CUL1: variants seen among roughly 807,000 people sequenced by gnomAD.
The protein encoded by CUL1 is cullin-1.
In CUL1, 24 loss-of-function variants were observed where a neutral mutation model predicts 118.0. The observed-to-expected ratio is 0.20, with a 90% CI of 0.15 to 0.29. The LOEUF (loss-of-function observed/expected upper bound fraction) is 0.29. Ranked by LOEUF, CUL1 falls within the 10% of genes least tolerant of loss-of-function variation. The pLI, the probability that CUL1 is intolerant of heterozygous loss-of-function variation, is 1.00. For missense variants in CUL1, 361 were observed against 933.8 expected (o/e 0.39, Z 7.99); for synonymous variants, 332 against 340.4 (o/e 0.98, Z 0.27).
Position 148,783,966 on chromosome 7 carries a change from C to T in CUL1, c.1192-5C>T, listed in dbSNP as rs1011985837. On this transcript the variant is annotated splice_polypyrimidine_tract_variant and splice_region_variant and intron_variant, in intron 10 of 21. Coordinates refer to ENST00000325222, the MANE Select transcript of CUL1 (RefSeq NM_003592.3). ...TTGTCTCTAACTATATTCCGTGTAA[C>T]GCAGGCTTGTGGTCGCTTCATAAAC... The T allele has an allele frequency of 1.7e-5, 27 of 1,613,908 alleles. No individual in the cohort carries two copies. The highest frequency in any genetic ancestry group is 1.6e-4 in the Middle Eastern group (1 of 6,084).
At chr7:148,720,481 C>A (rs1295065196) in intron 1 of CUL1, among the ~76,000 whole-genome samples, 1 of 152,014 alleles carries the variant, frequency 6.6e-6, no homozygotes, top group Admixed American at 6.5e-5. Flanking sequence ...GGGAGAGAGA[C>A]CAGTCCAGAG....
chr7:148,700,556 G>A (rs1797690714), intron 1 of CUL1, among the ~76,000 whole-genome samples: 1 of 152,164 alleles, frequency 6.6e-6, no homozygotes, highest in Non-Finnish European at 1.5e-5. Flanking sequence ...ATTGAAAAAT[G>A]TTTTACTTGA....
At position 148,792,598 on chromosome 7, in the gene CUL1, C is replaced by T. The variant is rs1384571867; in HGVS notation, c.1807-128C>T. The T allele has an allele frequency of 5.2e-6, 3 of 579,640 alleles. No homozygotes were observed. The East Asian group carries it at 9.0e-5, about 17-fold the overall frequency. 35.9% of individuals were successfully genotyped at this position (579,640 alleles called of 1,614,324 possible). On this transcript the variant is annotated intron_variant, in intron 16 of 21. Coordinates refer to ENST00000325222, the MANE Select transcript of CUL1 (RefSeq NM_003592.3). The stretch of plus-strand genomic sequence containing the variant: ...ATATTCCCTTTTAAATAGATCTGTG[C>T]TTTTTTTGTACTTGTTTAAAGAATT...
chr7:148,759,791 G>A (rs1799779561), intron 6 of CUL1, among the ~76,000 whole-genome samples, 153 bp downstream of exon 6: 1 of 152,094 alleles, frequency 6.6e-6, no homozygotes, highest in Admixed American at 6.5e-5. Flanking sequence ...AAGTCAGTGT[G>A]ACTTTATTTG....
chr7:148,797,250 T>C (rs1441187979), intron 17 of CUL1, among the ~76,000 whole-genome samples: 1 of 152,114 alleles, frequency 6.6e-6, no homozygotes, highest in Non-Finnish European at 1.5e-5. Flanking sequence ...GTGTCCAAGA[T>C]GAGCTGTCAG....
In CUL1 at chr7:148,784,601, T is replaced by G. The variant is rs532741038; in HGVS notation, c.1298+524T>G. ...CTCATTGAGTTTTTTGTTTGTGTGT[T>G]CTGGTTTTTCTCAGCTTCTCTTTCA... On this transcript the variant is annotated intron_variant, in intron 11 of 21. Transcript: ENST00000325222. 9.2e-5 allele frequency among the ~76,000 whole-genome samples: 14 copies of G among 152,346 alleles called. No individual in the cohort carries two copies. In the South Asian group the frequency reaches 2.5e-3, roughly 27 times the overall value.
At position 148,792,798 on chromosome 7, in the gene CUL1, G is replaced by A. The variant is rs1801062205; in HGVS notation, c.1879G>A (p.Asp627Asn). Reference protein sequence around the residue: ...EDAYTVQQLTDSTQIKMDILA... With the variant: ...EDAYTVQQLTNSTQIKMDILA... The stretch of plus-strand genomic sequence containing the variant: ...TGCCTACACTGTGCAGCAGCTGACC[G>A]ACAGCACTCAAATTAAAATGGTATT... Residue 627 changes from aspartate (D) to asparagine (N), a missense_variant, in exon 17 of 22, where the codon GAC becomes AAC. By Grantham distance (23) the Asp-to-Asn change is conservative (BLOSUM62 1). Transcript: ENST00000325222. 3 of 1,612,200 alleles carry A rather than the reference G, an allele frequency of 1.9e-6. No homozygotes were observed. The highest frequency in any genetic ancestry group is 2.5e-6 in the Non-Finnish European group (3 of 1,179,034).
intron 2 of CUL1, among the ~76,000 whole-genome samples, chr7:148,732,295 T>C (rs1382489069): frequency 1.3e-5 from 2 of 152,152 alleles, no homozygotes; most frequent in African/African-American, 4.8e-5. Context: ...AGAATTTCTT[T>C]TTAAAATCCA....
chr7:148,705,075 ATCT>A (rs1313702427), intron 1 of CUL1, among the ~76,000 whole-genome samples: 3 of 152,124 alleles, frequency 2.0e-5, no homozygotes, highest in East Asian at 1.9e-4. Context: ...TGCTGGACTA[ATCT>A]TCTTCTCATT....
intron 2 of CUL1, among the ~76,000 whole-genome samples, chr7:148,731,347 A>G (rs1798757902): frequency 6.6e-6 from 1 of 152,226 alleles, no homozygotes; most frequent in African/African-American, 2.4e-5. Context: ...TATCAGTTCT[A>G]TCAAACTAGT....
chr7:148,778,157 G>C (rs1413130809), intron 9 of CUL1, among the ~76,000 whole-genome samples: 1 of 145,082 alleles, frequency 6.9e-6, no homozygotes, highest in Non-Finnish European at 1.5e-5. Context: ...TTTTGTCTCA[G>C]TATTTTAAAC....
chr7:148,767,452 T>C (rs1177997656), intron 8 of CUL1, among the ~76,000 whole-genome samples, 167 bp from the exon 9 acceptor site: 1 of 152,146 alleles, frequency 6.6e-6, no homozygotes, highest in Non-Finnish European at 1.5e-5. Context: ...AATATACATA[T>C]ACCAAATAGA....
chr7:148,783,866 T>G lies in CUL1; in HGVS notation c.1167T>G (p.Ala389=), dbSNP rs746762540. 5 of 1,614,206 alleles carry G rather than the reference T, an allele frequency of 3.1e-6. No individual in the cohort carries two copies. Among genetic ancestry groups the G allele is most frequent in the South Asian group, 1.1e-5 (1 of 91,080 alleles). The change falls in exon 10 of 22, where the codon GCT becomes GCG. Residue 389 remains alanine, a synonymous_variant. Coordinates refer to ENST00000325222, the MANE Select transcript of CUL1 (RefSeq NM_003592.3). ...ALVMSAFNND[A]GFVAALDKAC... ...TAATGTCTGCATTCAACAATGACGC[T>G]GGCTTTGTGGCTGCTCTTGATAAGG...
rs527827153 is a variant in CUL1, at chr7:148,728,220, C to T, written c.-161-1742C>T. On this transcript the variant is annotated intron_variant, in intron 1 of 21. Transcript: ENST00000325222. ...CATGTGGCATTGCCACTCGCTGACA[C>T]GGACAACACTGATGGAGAAAGGCAT... Among the ~76,000 whole-genome samples, 6 of 151,740 alleles carry T rather than the reference C, an allele frequency of 4.0e-5. No individual in the cohort carries two copies. In the South Asian group the frequency reaches 1.3e-3, roughly 32 times the overall value.
Position 148,699,592 on chromosome 7 carries a change from C to T in CUL1, c.-162+563C>T, listed in dbSNP as rs531086694. 3.9e-5 allele frequency among the ~76,000 whole-genome samples: 6 copies of T among 152,310 alleles called. No individual in the cohort carries two copies. In the East Asian group the frequency reaches 7.7e-4, roughly 20 times the overall value. Reference sequence around the variant, plus strand: ...CCGCGGAGCCGGGCTCTCTCGCTTTCCGGTTCCCTGCCCGCGGCTCTCGGG... The same window carrying T: ...CCGCGGAGCCGGGCTCTCTCGCTTTTCGGTTCCCTGCCCGCGGCTCTCGGG... On this transcript the variant is annotated intron_variant, in intron 1 of 21. Transcript: ENST00000325222.
At chr7:148,766,138 C>T (rs1799995139) in intron 7 of CUL1, among the ~76,000 whole-genome samples, 2 of 152,172 alleles carry the variant, frequency 1.3e-5, no homozygotes, top group Admixed American at 6.5e-5. Flanking sequence ...CTTTTTCTTT[C>T]TGTTTTTTGA....
rs1203417069 is a variant in CUL1 at position 148,778,070 on chromosome 7, C to CAAA, written c.1084-5688_1084-5686dup. Among the ~76,000 whole-genome samples the CAAA allele has an allele frequency of 6.8e-3, 92 of 13,590 alleles. 2 individuals carry two copies. The highest frequency in any genetic ancestry group is 0.02 in the South Asian group (5 of 254). The allele number at this position is 13,590 out of a possible 152,430, so 8.9% of individuals were successfully genotyped here. On this transcript the variant is annotated intron_variant, in intron 9 of 21. Transcript: ENST00000325222. Reference sequence around the variant, plus strand: ...AGGGTGACAGAAGAAGACCCTGTCTCAAAAAAAAAAAAAAAAAAAAAAAAA... The same window carrying CAAA: ...AGGGTGACAGAAGAAGACCCTGTCTCAAAAAAAAAAAAAAAAAAAAAAAAAAAA...
chr7:148,704,384 T>C (rs1022993094), intron 1 of CUL1, among the ~76,000 whole-genome samples: 2 of 152,164 alleles, frequency 1.3e-5, no homozygotes, highest in African/African-American at 4.8e-5. Context: ...TGTAATTTAA[T>C]ATGATTTTTT....
intron 1 of CUL1, among the ~76,000 whole-genome samples, chr7:148,712,701 C>T (rs1798088003): frequency 6.6e-6 from 1 of 152,180 alleles, no homozygotes; most frequent in Non-Finnish European, 1.5e-5. Flanking sequence ...CTCATAGCCA[C>T]CTTATACAAC....
Sources: gnomAD v4.1 joint callset for allele counts (sites outside exome capture counted in the v4.1 genomes callset) on GRCh38, gnomAD v4.1.1 for gene constraint, MANE v1.5 for transcripts, NCBI Gene and HGNC (gene_info 2026-07-23, HGNC 2026-07-21) for gene names.